The following EXOC6B variants were observed in gnomAD, a reference collection of about 807,000 sequenced individuals.
EXOC6B encodes the protein SEC15 homolog B.
Under a neutral mutation model 113.5 loss-of-function variants are expected in EXOC6B, and 54 were observed. The ratio of observed to expected loss-of-function variants is 0.48; its 90% CI spans 0.38 to 0.60. The LOEUF is 0.60. Among genes scored for constraint, EXOC6B ranks in the 20% least tolerant of loss-of-function variants. The pLI is 0.00. For missense variants in EXOC6B, 797 were observed against 977.5 expected (o/e 0.82, Z 2.46); for synonymous variants, 357 against 339.0 (o/e 1.05, Z -0.58).
intron 18 of EXOC6B, among the ~76,000 whole-genome samples, chr2:72,420,242 T>C (rs1322516477): frequency 1.3e-5 from 2 of 152,196 alleles, no homozygotes; most frequent in Non-Finnish European, 2.9e-5. Flanking sequence ...GAGAATCTTT[T>C]TTATTATTAT....
At chr2:72,549,853 A>G (rs1057185053) in intron 8 of EXOC6B, among the ~76,000 whole-genome samples, 2 of 152,252 alleles carry the variant, frequency 1.3e-5, no homozygotes, top group African/African-American at 4.8e-5. Flanking sequence ...AAAACAGGCA[A>G]CAAGTATCAG....
chr2:72,809,193 A>G (rs961587561), intron 1 of EXOC6B, among the ~76,000 whole-genome samples: 5 of 152,206 alleles, frequency 3.3e-5, no homozygotes, highest in Non-Finnish European at 1.5e-5. Context: ...GAAAGAATAA[A>G]CAAAAAATAA....
chr2:72,721,401 ATT>A (rs1679999106), intron 5 of EXOC6B, among the ~76,000 whole-genome samples: 2 of 144,234 alleles, frequency 1.4e-5, no homozygotes, highest in Non-Finnish European at 3.0e-5. Flanking sequence ...AACAAAGAAA[ATT>A]CACAAAAGAA....
intron 20 of EXOC6B, among the ~76,000 whole-genome samples, chr2:72,212,387 C>T (rs1680248522): frequency 6.6e-6 from 1 of 151,966 alleles, no homozygotes; most frequent in Non-Finnish European, 1.5e-5. Context: ...GTTTCCAACA[C>T]ACATAGGAAC....
At chr2:72,568,488 A>T (rs1422700783) in intron 7 of EXOC6B, among the ~76,000 whole-genome samples, 1 of 151,992 alleles carries the variant, frequency 6.6e-6, no homozygotes, top group Non-Finnish European at 1.5e-5. Context: ...GATGCATGCC[A>T]CTTTCTTCCA....
At chr2:72,394,243 A>G (rs1337062612) in intron 18 of EXOC6B, among the ~76,000 whole-genome samples, 2 of 152,214 alleles carry the variant, frequency 1.3e-5, no homozygotes, top group Non-Finnish European at 2.9e-5. Flanking sequence ...CATATTTTAC[A>G]AAGTATATCT....
intron 15 of EXOC6B, among the ~76,000 whole-genome samples, chr2:72,493,524 T>C (rs1573249590): frequency 6.6e-6 from 1 of 152,150 alleles, no homozygotes; most frequent in East Asian, 1.9e-4. Context: ...GTCATTTACA[T>C]TGTCCCTCTT....
chr2:72,759,275 A>C (rs1463393152), intron 1 of EXOC6B, among the ~76,000 whole-genome samples: 2 of 152,234 alleles, frequency 1.3e-5, no homozygotes, highest in Admixed American at 1.3e-4. Context: ...ATAAATATTA[A>C]AAATTTTTAA....
chr2:72,307,217 G>A (rs1443418569), intron 20 of EXOC6B, among the ~76,000 whole-genome samples: 2 of 144,868 alleles, frequency 1.4e-5, no homozygotes, highest in South Asian at 2.1e-4. Flanking sequence ...GTGCAGTGGC[G>A]CAATCTCGGC....
intron 20 of EXOC6B, among the ~76,000 whole-genome samples, chr2:72,296,132 T>C (rs992638568): frequency 6.6e-6 from 1 of 152,038 alleles, no homozygotes; most frequent in Admixed American, 6.6e-5. Context: ...TTAAAATAAA[T>C]TTGTTCCTGA....
At chr2:72,193,826 T>C (rs2104294247) in intron 20 of EXOC6B, among the ~76,000 whole-genome samples, 1 of 152,070 alleles carries the variant, frequency 6.6e-6, no homozygotes, top group Non-Finnish European at 1.5e-5. Context: ...TAGAGACTTC[T>C]CTGCTTGTTC....
intron 20 of EXOC6B, among the ~76,000 whole-genome samples, chr2:72,203,642 C>G (rs1679636921): frequency 6.6e-6 from 1 of 152,114 alleles, no homozygotes; most frequent in African/African-American, 2.4e-5. Flanking sequence ...ATTATAGAAG[C>G]TAGTTCGAGA....
chr2:72,694,188 T>C (rs997708934), intron 6 of EXOC6B, among the ~76,000 whole-genome samples: 10 of 152,164 alleles, frequency 6.6e-5, no homozygotes, highest in African/African-American at 2.4e-4. Flanking sequence ...ACACTTGTAA[T>C]CCCAGCACTT....
intron 6 of EXOC6B, among the ~76,000 whole-genome samples, chr2:72,695,724 G>A (rs1353703136): frequency 6.6e-6 from 1 of 151,908 alleles, no homozygotes; most frequent in African/African-American, 2.4e-5. Flanking sequence ...TATGAATATT[G>A]TACCTCTTCC....
chr2:72,509,892 G>A (rs1463990809), intron 11 of EXOC6B, among the ~76,000 whole-genome samples: 1 of 151,930 alleles, frequency 6.6e-6, no homozygotes. Context: ...GGAGTGCAGT[G>A]GCACTGTCTC....
intron 6 of EXOC6B, among the ~76,000 whole-genome samples, chr2:72,678,844 G>A (rs536731528): frequency 4.6e-5 from 7 of 152,114 alleles, no homozygotes; most frequent in African/African-American, 1.4e-4. Context: ...TTCTCAATAC[G>A]TGCACCTAAT....
intron 5 of EXOC6B, among the ~76,000 whole-genome samples, chr2:72,727,280 G>C (rs570285225): frequency 6.6e-6 from 1 of 152,250 alleles, no homozygotes. Flanking sequence ...GTTGATAATT[G>C]TATGAAATGT....
chr2:72,439,888 T>C (rs948342179), intron 18 of EXOC6B, among the ~76,000 whole-genome samples: 2 of 152,282 alleles, frequency 1.3e-5, no homozygotes, highest in South Asian at 2.1e-4. Context: ...TTGCTGACCT[T>C]TGGATATTTT....
intron 1 of EXOC6B, among the ~76,000 whole-genome samples, chr2:72,824,979 A>C (rs932986595): frequency 1.3e-5 from 2 of 152,192 alleles, no homozygotes; most frequent in African/African-American, 4.8e-5. Context: ...AAAGGAGAGT[A>C]ATAGAACCTA....
Sources: allele counts gnomAD v4.1 joint callset (sites outside exome capture counted in the v4.1 genomes callset), GRCh38; gene constraint gnomAD v4.1.1; transcripts MANE v1.5; gene names NCBI Gene and HGNC (gene_info 2026-07-23, HGNC 2026-07-21).